KCNAB2: variants seen among roughly 807,000 people sequenced by gnomAD.
KCNAB2 encodes voltage-gated potassium channel subunit beta-2.
A neutral mutation model predicts 63.6 loss-of-function variants in KCNAB2; 29 were observed. The ratio of observed to expected loss-of-function variants is 0.46; its 90% CI spans 0.34 to 0.62. KCNAB2 has a LOEUF of 0.62. Among genes scored for constraint, KCNAB2 ranks in the 20% least tolerant of loss-of-function variants. The pLI is 0.01. For missense variants in KCNAB2, 359 were observed against 563.9 expected (o/e 0.64, Z 3.68); for synonymous variants, 222 against 224.2 (o/e 0.99, Z 0.09).
chr1:6,033,778 G>A (rs372514286), upstream of KCNAB2, among the ~76,000 whole-genome samples: 6 of 152,168 alleles, frequency 3.9e-5, no homozygotes, highest in South Asian at 6.2e-4. Flanking sequence ...TTTAATGACC[G>A]GATTCCTTCC....
intron 1 of KCNAB2, chr1:6,018,869 A>T (rs1228068378): frequency 2.0e-5 from 3 of 152,224 alleles, no homozygotes; most frequent in Non-Finnish European, 4.4e-5. Context: ...TCCCAAGCTC[A>T]CTAAGATAAC....
chr1:6,096,751 C>T lies in KCNAB2; in HGVS notation c.1064C>T (p.Ala355Val). Reference sequence around the variant, plus strand: ...CTGGGCTGCACCCTGCCCCAGCTGGCCATAGGTAACGGTGGGGTCGCCATG... The same window carrying T: ...CTGGGCTGCACCCTGCCCCAGCTGGTCATAGGTAACGGTGGGGTCGCCATG... ...ERLGCTLPQL[A>V]IAWCLRNEGV... Residue 355 changes from alanine (A) to valine (V), a missense_variant, in exon 14 of 16, where the codon GCC becomes GTC. By Grantham distance (64) the Ala-to-Val change is moderately conservative. Around this residue, in one of 2 missense-constraint regions of KCNAB2, gnomAD observed 271 missense variants for 476.1 expected, o/e 0.57. Transcript: ENST00000378083. The surrounding 1 kb of genome is among the most constrained non-coding windows in gnomAD (Gnocchi z 5.9). 1.3e-6 allele frequency: 2 copies of T among 1,578,572 alleles called. No homozygotes were observed. Among genetic ancestry groups the T allele is most frequent in the African/African-American group, 2.7e-5 (2 of 74,524 alleles).
intron 2 of KCNAB2, among the ~76,000 whole-genome samples, chr1:6,060,104 C>A (rs561335824): frequency 6.6e-6 from 1 of 152,374 alleles, no homozygotes; most frequent in South Asian, 2.1e-4. Flanking sequence ...TCACCCTACT[C>A]CAGACACAGA....
intron 2 of KCNAB2, among the ~76,000 whole-genome samples, chr1:6,052,295 T>G (rs1044161107): frequency 2.6e-5 from 4 of 151,866 alleles, no homozygotes. Context: ...CATGGTGCCA[T>G]GCACCTGTAG....
intron 1 of KCNAB2, among the ~76,000 whole-genome samples, chr1:6,021,280 T>C (rs1289578799): frequency 1.3e-5 from 2 of 152,206 alleles, no homozygotes; most frequent in East Asian, 3.8e-4. Flanking sequence ...TTACAGAGAT[T>C]TCAGGCACGA....
chr1:6,086,296 T>C lies in KCNAB2; in HGVS notation c.425+1048T>C, dbSNP rs2100740063. Reference sequence around the variant, plus strand: ...CCCCTTCCTCTTGTCCCATCAAATTTGTTTTTTGGCAACTCTGATCCCAAA... The same window carrying C: ...CCCCTTCCTCTTGTCCCATCAAATTCGTTTTTTGGCAACTCTGATCCCAAA... On this transcript the variant is annotated intron_variant, in intron 6 of 15. Transcript: ENST00000378083. This position sits in a 1 kb window ranked among gnomAD's most constrained non-coding sequence, Gnocchi z 4.2. The C allele has an allele frequency of 1.0e-6, 1 of 985,260 alleles. No individual in the cohort carries two copies. The highest frequency in any genetic ancestry group is 1.1e-4 in the East Asian group (1 of 8,796). 61.0% of individuals were successfully genotyped at this position (985,260 alleles called of 1,614,324 possible). A position where few individuals can be genotyped will look rare whatever the true frequency, so the allele number is the denominator to read the frequency against.
intron 15 of KCNAB2, chr1:6,097,640 C>T (rs1442861652): frequency 3.4e-6 from 2 of 588,696 alleles, no homozygotes; most frequent in East Asian, 5.6e-5. Flanking sequence ...GACGGTGGCG[C>T]TGCAGACTCA....
At position 6,040,692 on chromosome 1, in the gene KCNAB2, G is replaced by A. The variant is rs760166516; in HGVS notation, c.77+47G>A. ...CAGGCCCCCTCCCAGGGTCAGTCCTGCTTCGAGGACGGGTTCCCAAGGCCA... is the reference window on the plus strand; with the variant it reads ...CAGGCCCCCTCCCAGGGTCAGTCCTACTTCGAGGACGGGTTCCCAAGGCCA... On this transcript the variant is annotated intron_variant, in intron 2 of 15. Transcript: ENST00000164247. 3.2e-6 allele frequency: 4 copies of A among 1,260,780 alleles called. No individual in the cohort carries two copies. In the African/African-American group the frequency reaches 4.4e-5, roughly 14 times the overall value. The allele number at this position is 1,260,780 out of a possible 1,614,324, so 78.1% of individuals were successfully genotyped here.
chr1:6,004,736 A>G (rs931024524), intron 1 of KCNAB2, among the ~76,000 whole-genome samples: 1 of 152,156 alleles, frequency 6.6e-6, no homozygotes, highest in African/African-American at 2.4e-5. Flanking sequence ...CCCTTTTGCC[A>G]AATAATTCCA....
intron 1 of KCNAB2, among the ~76,000 whole-genome samples, chr1:6,038,415 C>T (rs993221934): frequency 4.5e-4 from 69 of 152,138 alleles, no homozygotes; most frequent in Admixed American, 4.2e-3. Context: ...CTCAGCCTCC[C>T]GAGTAGCTGG....
Position 6,098,519 on chromosome 1 carries a change from A to G in KCNAB2, c.1193A>G (p.Glu398Gly). Reference sequence around the variant, plus strand: ...AAACTGTCATCTTCCATTATCCACGAGATTGATAGTATTTTGGGCAATAAA... The same window carrying G: ...AAACTGTCATCTTCCATTATCCACGGGATTGATAGTATTTTGGGCAATAAA... ...LPKLSSSIIHEIDSILGNKPY... is the reference protein window; with the variant it reads ...LPKLSSSIIHGIDSILGNKPY... The change falls in exon 16 of 16, where the codon GAG becomes GGG. Residue 398 changes from glutamate to glycine, a missense_variant. Transcript: ENST00000378083. 6.2e-7 allele frequency: 1 copy of G among 1,613,962 alleles called. No individual in the cohort carries two copies. Among genetic ancestry groups the G allele is most frequent in the Non-Finnish European group, 8.5e-7 (1 of 1,179,982 alleles).
At chr1:6,001,750 G>C (rs1657275516) in intron 1 of KCNAB2, among the ~76,000 whole-genome samples, 1 of 152,190 alleles carries the variant, frequency 6.6e-6, no homozygotes, top group Non-Finnish European at 1.5e-5. Flanking sequence ...GTGTGGGGCA[G>C]TGTTGCTCAC....
intron 2 of KCNAB2, among the ~76,000 whole-genome samples, chr1:6,054,500 G>A (rs1484924605): frequency 6.6e-6 from 1 of 152,144 alleles, no homozygotes; most frequent in African/African-American, 2.4e-5. Flanking sequence ...CGTGGTGGCG[G>A]GCACCTGTAG....
chr1:6,061,548 T>C (rs746295371), intron 2 of KCNAB2, among the ~76,000 whole-genome samples: 2 of 152,234 alleles, frequency 1.3e-5, no homozygotes, highest in Non-Finnish European at 2.9e-5. Context: ...TTCTCTGTCA[T>C]GGGGCAGCAT....
At chr1:6,090,364 GCCCC>G (rs749838595) in intron 8 of KCNAB2, 21 bp from the exon 9 acceptor site, 1 of 1,564,106 alleles carries the variant, frequency 6.4e-7, no homozygotes, top group Admixed American at 1.7e-5. Flanking sequence ...CAGCAGTGAC[GCCCC>G]CCCACCTGGT....
intron 1 of KCNAB2, among the ~76,000 whole-genome samples, chr1:5,993,315 C>T (rs571554659): frequency 6.6e-6 from 1 of 152,014 alleles, no homozygotes; most frequent in African/African-American, 2.4e-5. Flanking sequence ...CCATTCTGCC[C>T]CCAGCCCCTC....
chr1:6,099,424 C>G lies in KCNAB2; in HGVS notation c.*850C>G. ...TTGGGAGGGGTCCCAGTGGGGCAGGCCCCTCTGTCTGGCCACCCCTCTGTC... is the reference window on the plus strand; with the variant it reads ...TTGGGAGGGGTCCCAGTGGGGCAGGGCCCTCTGTCTGGCCACCCCTCTGTC... On this transcript the variant is annotated 3_prime_UTR_variant, in exon 16 of 16. Transcript: ENST00000378083. 5.2e-6 allele frequency: 1 copy of G among 192,386 alleles called. No homozygotes were observed. Among genetic ancestry groups the G allele is most frequent in the South Asian group, 1.7e-4 (1 of 5,756 alleles). 11.9% of individuals were successfully genotyped at this position (192,386 alleles called of 1,614,324 possible). A position where few individuals can be genotyped will look rare whatever the true frequency, so the allele number is the denominator to read the frequency against.
At position 6,099,992 on chromosome 1, in the gene KCNAB2, A is replaced by G. The variant is rs2100812036; in HGVS notation, c.*1418A>G. On this transcript the variant is annotated 3_prime_UTR_variant, in exon 16 of 16. Coordinates refer to ENST00000378083, the MANE Select transcript of KCNAB2 (RefSeq NM_001199862.2). ...GACCACGCGGGGCAGGGCTCCACTG[A>G]AGCCACCCCCACCCCTCGCCAGCTA... is the stretch of plus-strand genomic sequence containing the variant. The G allele has an allele frequency of 1.3e-6, 2 of 1,545,098 alleles. No homozygotes were observed. Among genetic ancestry groups the G allele is most frequent in the East Asian group, 4.9e-5 (2 of 40,830 alleles).
upstream of KCNAB2, among the ~76,000 whole-genome samples, chr1:6,030,923 T>TA: frequency 2.6e-5 from 3 of 116,346 alleles, no homozygotes; most frequent in Non-Finnish European, 5.6e-5. Context: ...TTTGTATGTG[T>TA]AGGGGTGTGT....
Sources: allele counts gnomAD v4.1 joint callset (sites outside exome capture counted in the v4.1 genomes callset), GRCh38; gene constraint gnomAD v4.1.1; regional missense constraint gnomAD v4.1.1; non-coding constraint Gnocchi (gnomAD v3.1); transcripts MANE v1.5; gene names NCBI Gene and HGNC (gene_info 2026-07-23, HGNC 2026-07-21).